Variants in CDH4 observed in about 807,000 individuals in gnomAD.
CDH4 encodes the protein cadherin 4.
In CDH4, 33 loss-of-function variants were observed where a neutral mutation model predicts 86.0. The observed-to-expected ratio is 0.38, with a 90% CI of 0.29 to 0.51. The LOEUF (loss-of-function observed/expected upper bound fraction) is 0.51. CDH4 is among the 20% of genes least tolerant of loss of function. The pLI, the probability that CDH4 is intolerant of heterozygous loss-of-function variation, is 0.86. For synonymous variants in CDH4, 555 were observed against 549.4 expected (o/e 1.01, Z -0.14); for missense variants, 1,114 against 1,307.4 (o/e 0.85, Z 2.28).
intron 9 of CDH4, 123 bp downstream of exon 9, chr20:61,910,730 G>A (rs2054842212): frequency 1.1e-6 from 1 of 929,902 alleles, no homozygotes; most frequent in African/African-American, 1.6e-5. Flanking sequence ...TCCAAGGGTA[G>A]AGGCAGGTAA....
chr20:61,599,149 C>T (rs1386231024), intron 2 of CDH4, among the ~76,000 whole-genome samples: 1 of 152,186 alleles, frequency 6.6e-6, no homozygotes, highest in Non-Finnish European at 1.5e-5. Context: ...CATGGTGCTG[C>T]CCCTAGAGGT....
At chr20:61,330,170 T>C (rs1375347004) in intron 2 of CDH4, among the ~76,000 whole-genome samples, 1 of 152,226 alleles carries the variant, frequency 6.6e-6, no homozygotes, top group African/African-American at 2.4e-5. Context: ...ATCTTTATAA[T>C]AGAATGATTT....
At chr20:61,846,311 A>G (rs1982452318) in intron 5 of CDH4, among the ~76,000 whole-genome samples, 1 of 152,240 alleles carries the variant, frequency 6.6e-6, no homozygotes, top group South Asian at 2.1e-4. Flanking sequence ...AGGCAGAACC[A>G]CAGAACCAAC....
At chr20:61,297,084 C>T (rs2084359124) in intron 2 of CDH4, among the ~76,000 whole-genome samples, 1 of 152,108 alleles carries the variant, frequency 6.6e-6, no homozygotes, top group South Asian at 2.1e-4. Flanking sequence ...AACAAGGATC[C>T]CTCTCTTAAA....
At chr20:61,642,548 G>A (rs1249794257) in intron 2 of CDH4, among the ~76,000 whole-genome samples, 1 of 152,200 alleles carries the variant, frequency 6.6e-6, no homozygotes, top group African/African-American at 2.4e-5. Context: ...AACAGGATCT[G>A]GTGGGCAGTT....
chr20:61,482,637 C>A (rs1326629865), intron 2 of CDH4, among the ~76,000 whole-genome samples: 1 of 152,162 alleles, frequency 6.6e-6, no homozygotes, highest in African/African-American at 2.4e-5. Context: ...GCTGACAGGG[C>A]TGGGTTTTAC....
Position 61,686,570 on chromosome 20 carries a change from C to T in CDH4, c.170-56993C>T, listed in dbSNP as rs375779153. On this transcript the variant is annotated intron_variant, in intron 2 of 15. Coordinates refer to ENST00000614565, the MANE Select transcript of CDH4 (RefSeq NM_001794.5). ...ATTCGCGTGTATGTGCATGTGCATT[C>T]GCGTGTGTGCATTCATGTGTGTGCA... Among the ~76,000 whole-genome samples the T allele has an allele frequency of 4.7e-4, 69 of 146,250 alleles. 1 individual carries two copies. Among genetic ancestry groups the T allele is most frequent in the African/African-American group, 1.4e-3 (56 of 39,042 alleles).
Position 61,611,697 on chromosome 20 carries a change from G to A in CDH4, c.170-131866G>A, listed in dbSNP as rs146141572. Among the ~76,000 whole-genome samples, 7 of 152,266 alleles carry A rather than the reference G, an allele frequency of 4.6e-5. No individual in the cohort carries two copies. In the East Asian group the frequency reaches 7.7e-4, roughly 17 times the overall value. On this transcript the variant is annotated intron_variant, in intron 2 of 15. Transcript: ENST00000614565. ...GACTTGGCAAATGTCTTGGTTGCAC[G>A]CTCAGGCCAAACGAGGCTGTAGCCA...
chr20:61,293,089 C>A (rs1273435447), intron 2 of CDH4, among the ~76,000 whole-genome samples: 2 of 152,160 alleles, frequency 1.3e-5, no homozygotes, highest in African/African-American at 2.4e-5. Flanking sequence ...CGCAGATCCC[C>A]TGCAGCTCCC....
At chr20:61,770,781 G>A (rs901301389) in intron 3 of CDH4, among the ~76,000 whole-genome samples, 30 of 151,848 alleles carry the variant, frequency 2.0e-4, no homozygotes, top group African/African-American at 6.5e-4. Flanking sequence ...TACTCAGGGG[G>A]CTGAGGCAGG....
chr20:61,732,136 C>T (rs1368832996), intron 2 of CDH4, among the ~76,000 whole-genome samples: 4 of 152,226 alleles, frequency 2.6e-5, no homozygotes, highest in Non-Finnish European at 2.9e-5. Flanking sequence ...GAGTGCATTA[C>T]TCAGGTCTTT....
chr20:61,466,759 G>A (rs928157717), intron 2 of CDH4, among the ~76,000 whole-genome samples: 5 of 152,272 alleles, frequency 3.3e-5, no homozygotes, highest in Admixed American at 2.6e-4. Flanking sequence ...GCTGAGGCGG[G>A]AGGATCACTT....
At chr20:61,514,604 G>A (rs1429068106) in intron 2 of CDH4, among the ~76,000 whole-genome samples, 3 of 152,104 alleles carry the variant, frequency 2.0e-5, no homozygotes, top group African/African-American at 7.2e-5. Context: ...CATGTTGCGG[G>A]GCCTAGCAGG....
chr20:61,276,720 C>T (rs2084233583), intron 2 of CDH4, among the ~76,000 whole-genome samples: 1 of 152,150 alleles, frequency 6.6e-6, no homozygotes. Context: ...AGTGGAGATT[C>T]CATCACTGTG....
At chr20:61,705,426 T>C (rs759948525) in intron 2 of CDH4, among the ~76,000 whole-genome samples, 2 of 152,248 alleles carry the variant, frequency 1.3e-5, no homozygotes, top group Non-Finnish European at 2.9e-5. Context: ...GTTTGGTTTA[T>C]GTGCTCAAAT....
intron 2 of CDH4, among the ~76,000 whole-genome samples, chr20:61,622,281 C>G (rs566987549): frequency 6.6e-6 from 1 of 152,350 alleles, no homozygotes; most frequent in African/African-American, 2.4e-5. Context: ...CCTAGGTGGC[C>G]GCTGAGTTTT....
chr20:61,774,513 AT>A (rs200594403), intron 4 of CDH4, among the ~76,000 whole-genome samples: 15 of 152,078 alleles, frequency 9.9e-5, no homozygotes, highest in African/African-American at 2.9e-4. Flanking sequence ...AAAGTGATTC[AT>A]TTTTTTTCCA....
chr20:61,259,681 T>C (rs1347104872), intron 2 of CDH4, among the ~76,000 whole-genome samples: 1 of 152,184 alleles, frequency 6.6e-6, no homozygotes, highest in Non-Finnish European at 1.5e-5. Context: ...TCTCTCTCTC[T>C]CCCTTGCCAA....
intron 2 of CDH4, among the ~76,000 whole-genome samples, chr20:61,294,118 C>A (rs1451616663): frequency 6.6e-6 from 1 of 152,176 alleles, no homozygotes; most frequent in Non-Finnish European, 1.5e-5. Flanking sequence ...CCCACGTCCT[C>A]ATGGGTGGTG....
Sources: allele counts gnomAD v4.1 joint callset (sites outside exome capture counted in the v4.1 genomes callset), GRCh38; gene constraint gnomAD v4.1.1; transcripts MANE v1.5; gene names NCBI Gene and HGNC (gene_info 2026-07-23, HGNC 2026-07-21).